WNK1: variants seen among roughly 807,000 people sequenced by gnomAD.
WNK1 encodes WNK lysine deficient protein kinase 1, also known as serine/threonine-protein kinase WNK1.
In WNK1, 38 loss-of-function variants were observed where a neutral mutation model predicts 222.8. The observed-to-expected ratio is 0.17, with a 90% CI of 0.13 to 0.22. The LOEUF (loss-of-function observed/expected upper bound fraction) is 0.22, where lower values mean the gene tolerates loss of function less well. Among genes scored for constraint, WNK1 ranks in the 10% least tolerant of loss-of-function variants. The probability of loss-of-function intolerance (pLI) is 1.00; values close to 1 mark genes in which losing one functional copy is unlikely to be tolerated. For missense variants in WNK1, 2,348 were observed against 2,918.4 expected (o/e 0.80, Z 4.50); for synonymous variants, 1,090 against 1,092.9 (o/e 1.00, Z 0.05).
At chr12:830,269 A>C in intron 4 of WNK1, 109 bp downstream of exon 4, 1 of 1,279,762 alleles carries the variant, frequency 7.8e-7, no homozygotes, top group Non-Finnish European at 1.1e-6. Flanking sequence ...AGGCATACTG[A>C]GTGAACTGTT....
At chr12:891,602 C>CTTTTTTTT (rs71441624) in intron 22 of WNK1, among the ~76,000 whole-genome samples, 14 of 125,956 alleles carry the variant, frequency 1.1e-4, no homozygotes, top group African/African-American at 2.1e-4. Context: ...GATTTTTTTT[C>CTTTTTTTT]TTTTTTTTTT....
intron 2 of WNK1, among the ~76,000 whole-genome samples, chr12:817,797 C>T (rs1048356811): frequency 6.7e-6 from 1 of 149,162 alleles, no homozygotes; most frequent in Non-Finnish European, 1.5e-5. Context: ...ACTAAAAATA[C>T]GAAAAATTAG....
Position 881,463 on chromosome 12 carries a change from T to C in WNK1, c.3112-229T>C, listed in dbSNP as rs150426758. 1.0e-3 allele frequency: 577 copies of C among 560,678 alleles called. 4 individuals carry two copies. The highest frequency in any genetic ancestry group is 9.4e-3 in the East Asian group (295 of 31,292). 34.7% of individuals were successfully genotyped at this position (560,678 alleles called of 1,614,324 possible). ...GTAGGTTCACACTGCCTAGCAGATATGTTGGCTGACCTCATACCATGCAGT... is the reference window on the plus strand; with the variant it reads ...GTAGGTTCACACTGCCTAGCAGATACGTTGGCTGACCTCATACCATGCAGT... On this transcript the variant is annotated intron_variant, in intron 12 of 27. Coordinates refer to ENST00000315939, the MANE Select transcript of WNK1 (RefSeq NM_018979.4).
intron 22 of WNK1, among the ~76,000 whole-genome samples, chr12:893,327 T>C (rs1357758351): frequency 1.3e-5 from 2 of 152,146 alleles, no homozygotes; most frequent in Non-Finnish European, 2.9e-5. Context: ...ATATGAAATA[T>C]ATATATGGTA....
At chr12:840,030 T>A (rs1422743494) in intron 4 of WNK1, among the ~76,000 whole-genome samples, 2 of 151,864 alleles carry the variant, frequency 1.3e-5, no homozygotes, top group Non-Finnish European at 2.9e-5. Flanking sequence ...CCTGGCCCAT[T>A]CTGTCGTATT....
At chr12:901,450 G>T (rs1052538334) in intron 26 of WNK1, 2 of 581,062 alleles carry the variant, frequency 3.4e-6, no homozygotes, top group Admixed American at 3.8e-5. Context: ...TTGTTCTTCT[G>T]TGTGCCATCT....
At chr12:801,574 A>ATT (rs35504521) in intron 1 of WNK1, among the ~76,000 whole-genome samples, 42 of 134,014 alleles carry the variant, frequency 3.1e-4, no homozygotes, top group East Asian at 1.3e-3. Flanking sequence ...ATGCCTGACC[A>ATT]TTTTTTTTTT....
At chr12:762,653 C>G (rs1180345022) in intron 1 of WNK1, among the ~76,000 whole-genome samples, 1 of 147,142 alleles carries the variant, frequency 6.8e-6, no homozygotes, top group Non-Finnish European at 1.5e-5. Context: ...GCAGTAATTG[C>G]CCAAAAATAG....
chr12:840,084 G>A (rs1281081336), intron 4 of WNK1, among the ~76,000 whole-genome samples: 1 of 151,722 alleles, frequency 6.6e-6, no homozygotes, highest in Non-Finnish European at 1.5e-5. Context: ...AATTCAGCCT[G>A]GTGCCCATTT....
intron 26 of WNK1, among the ~76,000 whole-genome samples, chr12:905,443 G>C (rs1170067152): frequency 6.6e-6 from 1 of 152,178 alleles, no homozygotes; most frequent in East Asian, 1.9e-4. Flanking sequence ...GGGCCTCGCA[G>C]CATCAGGGGC....
intron 5 of WNK1, among the ~76,000 whole-genome samples, chr12:858,870 T>G (rs1219754937): frequency 6.6e-6 from 1 of 152,106 alleles, no homozygotes; most frequent in Admixed American, 6.5e-5. Context: ...TTTTGAAGCT[T>G]TAATAGAGCC....
At chr12:895,198 T>TA (rs1305037579) in intron 23 of WNK1, among the ~76,000 whole-genome samples, 16 of 151,886 alleles carry the variant, frequency 1.1e-4, no homozygotes, top group Admixed American at 7.9e-4. Context: ...CTGGGGAGAG[T>TA]AGGTGATATT....
chr12:851,755 C>A, intron 4 of WNK1: 1 of 1,346,980 alleles, frequency 7.4e-7, no homozygotes, highest in East Asian at 4.6e-5. Context: ...ATTGCTGCTG[C>A]TGCCCTCAAA....
chr12:807,909 C>T (rs1204460449), intron 1 of WNK1, among the ~76,000 whole-genome samples: 1 of 151,736 alleles, frequency 6.6e-6, no homozygotes, highest in Non-Finnish European at 1.5e-5. Context: ...TTAGTAGAGA[C>T]GGGGTTTCAC....
chr12:907,714 C>A, intron 26 of WNK1, 133 bp from the exon 27 acceptor site: 1 of 1,069,260 alleles, frequency 9.4e-7, no homozygotes, highest in Non-Finnish European at 1.4e-6. Flanking sequence ...TGGAATCTTC[C>A]CTCTTGCATG....
intron 4 of WNK1, among the ~76,000 whole-genome samples, chr12:846,486 G>A (rs1376134323): frequency 6.6e-6 from 1 of 152,174 alleles, no homozygotes; most frequent in Non-Finnish European, 1.5e-5. Context: ...TCGTGAGTAA[G>A]TTAATTTCTT....
At chr12:868,972 A>G (rs755023694) in intron 8 of WNK1, 1 of 1,593,226 alleles carries the variant, frequency 6.3e-7, no homozygotes, top group Non-Finnish European at 8.5e-7. Flanking sequence ...CTGACGTCTC[A>G]ATGCCCTTTA....
chr12:822,769 T>C (rs973817130), intron 2 of WNK1, among the ~76,000 whole-genome samples: 10 of 152,234 alleles, frequency 6.6e-5, no homozygotes, highest in African/African-American at 2.4e-4. Context: ...GTCTTTTAAA[T>C]CATGTAGGAA....
rs1378379302 is a variant in WNK1 at position 887,315 on chromosome 12, A to T, written c.5364+11A>T. Reference sequence around the variant, plus strand: ...CCTTCTCTAACCCAGGTGCCTCAAGACTTGACAAATTTCTTCCTGTGCCCT... The same window carrying T: ...CCTTCTCTAACCCAGGTGCCTCAAGTCTTGACAAATTTCTTCCTGTGCCCT... On this transcript the variant is annotated intron_variant, in intron 20 of 27. Coordinates refer to ENST00000315939, the MANE Select transcript of WNK1 (RefSeq NM_018979.4). 1 of 1,613,902 alleles carries T rather than the reference A, an allele frequency of 6.2e-7. No individual in the cohort carries two copies.
Sources: allele counts gnomAD v4.1 joint callset (sites outside exome capture counted in the v4.1 genomes callset), GRCh38; gene constraint gnomAD v4.1.1; transcripts MANE v1.5; gene names NCBI Gene and HGNC (gene_info 2026-07-23, HGNC 2026-07-21).